The following MYO16 variants were observed in gnomAD, a reference collection of about 807,000 sequenced individuals.
The protein encoded by MYO16 is unconventional myosin-XVI.
A neutral mutation model predicts 205.3 loss-of-function variants in MYO16; 94 were observed. That is an observed-to-expected ratio of 0.46 (90% confidence interval 0.39 to 0.54). The LOEUF (loss-of-function observed/expected upper bound fraction) is 0.54. MYO16 is among the 20% of genes least tolerant of loss of function. MYO16 has a pLI of 0.00. For missense variants in MYO16, 2,315 were observed against 2,387.5 expected, an observed-to-expected ratio of 0.97 and a Z score of 0.63; for synonymous variants, 988 against 954.0, an observed-to-expected ratio of 1.04 and a Z score of -0.66.
At chr13:109,042,644 G>C (rs1242926039) in intron 23 of MYO16, among the ~76,000 whole-genome samples, 1 of 152,164 alleles carries the variant, frequency 6.6e-6, no homozygotes, top group African/African-American at 2.4e-5. Context: ...TCTAATACTT[G>C]TGTTCATCTG....
At chr13:108,843,100 G>A (rs1384801428) in intron 9 of MYO16, among the ~76,000 whole-genome samples, 2 of 151,590 alleles carry the variant, frequency 1.3e-5, no homozygotes, top group Non-Finnish European at 2.9e-5. Flanking sequence ...ATTGGAGAGT[G>A]GGAGCAAGGG....
rs141302706 is a variant in MYO16, at chr13:108,716,182, T to A, written c.363+3451T>A. 3.4e-3 allele frequency among the ~76,000 whole-genome samples: 525 copies of A among 152,340 alleles called. 5 individuals carry two copies. Among genetic ancestry groups the A allele is most frequent in the African/African-American group, 0.012 (508 of 41,570 alleles). On this transcript the variant is annotated intron_variant, in intron 3 of 34. Coordinates refer to ENST00000457511, the MANE Select transcript of MYO16 (RefSeq NM_001198950.3). The stretch of plus-strand genomic sequence containing the variant: ...GAATTTTCAATGCATAGTCAACGAA[T>A]GAATGAATGAGCTCTAAGGATATAA...
chr13:108,961,535 A>G lies in MYO16; in HGVS notation c.2038-4A>G. On this transcript the variant is annotated splice_region_variant and splice_polypyrimidine_tract_variant and intron_variant, in intron 17 of 34. Transcript: ENST00000457511. The stretch of plus-strand genomic sequence containing the variant: ...TTCATTCTCTCTGTTTGTAAAATGC[A>G]TAGGAGGTGGAGAATCTGTTCGTAA... 4 of 1,610,170 alleles carry G rather than the reference A, an allele frequency of 2.5e-6. No individual in the cohort carries two copies. The highest frequency in any genetic ancestry group is 3.4e-6 in the Non-Finnish European group (4 of 1,176,458).
At chr13:108,800,038 C>A (rs1263329879) in intron 6 of MYO16, among the ~76,000 whole-genome samples, 2 of 152,084 alleles carry the variant, frequency 1.3e-5, no homozygotes, top group Non-Finnish European at 2.9e-5. Flanking sequence ...CATGGGGAAG[C>A]CTTAGCCTGT....
At chr13:109,070,552 C>T (rs1169700350) in intron 27 of MYO16, among the ~76,000 whole-genome samples, 1 of 152,048 alleles carries the variant, frequency 6.6e-6, no homozygotes, top group African/African-American at 2.4e-5. Context: ...GTAAATGTTT[C>T]CATTTTAGGG....
intron 1 of MYO16, among the ~76,000 whole-genome samples, chr13:108,600,618 G>T (rs759910539): frequency 3.3e-5 from 5 of 152,210 alleles, no homozygotes; most frequent in African/African-American, 9.6e-5. Flanking sequence ...GGTAAATGGT[G>T]GGGAAAACCA....
intron 9 of MYO16, among the ~76,000 whole-genome samples, chr13:108,841,152 T>C (rs1877219844): frequency 6.6e-6 from 1 of 152,186 alleles, no homozygotes; most frequent in Non-Finnish European, 1.5e-5. Flanking sequence ...AATGAGGAGA[T>C]ACATGAATCA....
intron 4 of MYO16, among the ~76,000 whole-genome samples, chr13:108,759,598 G>A (rs181525056): frequency 6.6e-6 from 1 of 152,120 alleles, no homozygotes; most frequent in African/African-American, 2.4e-5. Flanking sequence ...GAGGTGGGCG[G>A]ATCACGAGGT....
chr13:108,923,286 A>G (rs927650553), intron 16 of MYO16, among the ~76,000 whole-genome samples: 4 of 152,216 alleles, frequency 2.6e-5, no homozygotes, highest in Admixed American at 2.6e-4. Context: ...TTGAAAACAG[A>G]TAGGAATGGG....
chr13:108,651,289 G>C (rs1364113274), intron 1 of MYO16, among the ~76,000 whole-genome samples: 1 of 152,190 alleles, frequency 6.6e-6, no homozygotes, highest in Non-Finnish European at 1.5e-5. Context: ...CCATAGGTTT[G>C]ACTGGACAGC....
At chr13:108,536,692 T>C in the MYO16 span, among the ~76,000 whole-genome samples, 21 of 152,258 alleles carry the variant, frequency 1.4e-4, no homozygotes, top group African/African-American at 4.8e-4. Flanking sequence ...TACCTGAAAC[T>C]TTTAGTATAA....
intron 7 of MYO16, among the ~76,000 whole-genome samples, chr13:108,812,338 G>A (rs1052658766): frequency 6.6e-6 from 1 of 152,168 alleles, no homozygotes; most frequent in Admixed American, 6.5e-5. Context: ...CATTTGTTTG[G>A]CTTGTCAAAA....
At chr13:108,789,134 AAAC>A (rs1179077328) in intron 5 of MYO16, among the ~76,000 whole-genome samples, 3 of 152,320 alleles carry the variant, frequency 2.0e-5, no homozygotes, top group African/African-American at 4.8e-5. Context: ...AGATAGTTTG[AAAC>A]AACATGTCTC....
chr13:108,917,520 T>TA (rs998316948), intron 16 of MYO16, among the ~76,000 whole-genome samples: 2 of 152,220 alleles, frequency 1.3e-5, no homozygotes, highest in African/African-American at 4.8e-5. Flanking sequence ...TGGCCAAACT[T>TA]ATCACCTTGA....
chr13:108,920,939 T>C (rs1383425405), intron 16 of MYO16, among the ~76,000 whole-genome samples: 1 of 152,206 alleles, frequency 6.6e-6, no homozygotes. Flanking sequence ...CATAGACCAA[T>C]GCAGTTTGCA....
At chr13:108,617,157 T>G (rs1179850232) in intron 1 of MYO16, among the ~76,000 whole-genome samples, 1 of 152,086 alleles carries the variant, frequency 6.6e-6, no homozygotes. Context: ...CCTAGAGCAG[T>G]GATTCTCAGA....
chr13:108,805,957 T>A (rs934630555), intron 6 of MYO16, among the ~76,000 whole-genome samples: 1 of 151,224 alleles, frequency 6.6e-6, no homozygotes, highest in Non-Finnish European at 1.5e-5. Context: ...AATAAATAAA[T>A]AAAATTAGCT....
chr13:108,517,819 C>T, the MYO16 span, among the ~76,000 whole-genome samples: 1 of 152,170 alleles, frequency 6.6e-6, no homozygotes, highest in Non-Finnish European at 1.5e-5. Context: ...GCTCTGGAGG[C>T]TGGGAAGCCC....
At chr13:108,593,916 G>T (rs532316994), upstream of MYO16, among the ~76,000 whole-genome samples, 2 of 152,330 alleles carry the variant, frequency 1.3e-5, no homozygotes, top group East Asian at 3.9e-4. Flanking sequence ...GGAGGGTGCA[G>T]CTGGCAGACA....
Sources: allele counts gnomAD v4.1 joint callset (sites outside exome capture counted in the v4.1 genomes callset), GRCh38; gene constraint gnomAD v4.1.1; transcripts MANE v1.5; gene names NCBI Gene and HGNC (gene_info 2026-07-23, HGNC 2026-07-21).